The following PSMC3 variants were observed in gnomAD, a reference collection of about 807,000 sequenced individuals.
PSMC3 encodes the protein proteasome 26S subunit, ATPase 3, also known as 26S proteasome regulatory subunit 6A.
In PSMC3, 11 loss-of-function variants were observed where a neutral mutation model predicts 52.0. The observed-to-expected ratio is 0.21, with a 90% CI of 0.13 to 0.35. The LOEUF (loss-of-function observed/expected upper bound fraction) is 0.35. PSMC3 is among the 10% of genes least tolerant of loss of function. The pLI is 1.00. For missense variants in PSMC3, 238 were observed against 567.1 expected (o/e 0.42, Z 5.89); for synonymous variants, 201 against 218.8 (o/e 0.92, Z 0.72).
intron 8 of PSMC3, 100 bp from the exon 9 acceptor site, chr11:47,420,827 G>C (rs1384811821): frequency 3.8e-6 from 4 of 1,065,498 alleles, no homozygotes; most frequent in African/African-American, 3.2e-5. Context: ...GTCCAGGGCA[G>C]GGAAATGGCT....
chr11:47,423,171 G>A (rs1045473698), intron 6 of PSMC3, among the ~76,000 whole-genome samples, 198 bp from the exon 7 acceptor site: 5 of 150,922 alleles, frequency 3.3e-5, no homozygotes, highest in Admixed American at 1.3e-4. Flanking sequence ...AGGCTGAGGC[G>A]GGCGGATCAC....
chr11:47,425,892 G>A lies in PSMC3; in HGVS notation c.134C>T (p.Thr45Ile). The A allele has an allele frequency of 1.2e-6, 2 of 1,614,122 alleles. No homozygotes were observed. Among genetic ancestry groups the A allele is most frequent in the Non-Finnish European group, 1.7e-6 (2 of 1,179,936 alleles). ...CTTGATCTCACTGTCCAGCAGCCGTGTGCGCTGGATGATCTCCTCCGTGGA... is the reference window on the plus strand; with the variant it reads ...CTTGATCTCACTGTCCAGCAGCCGTATGCGCTGGATGATCTCCTCCGTGGA... ...KMSTEEIIQR[T>I]RLLDSEIKIM... Residue 45 changes from threonine to isoleucine, a missense_variant, in exon 2 of 12, where the codon ACA becomes ATA. By Grantham distance (89) the Thr-to-Ile change is moderately conservative. Transcript: ENST00000298852.
intron 10 of PSMC3, among the ~76,000 whole-genome samples, chr11:47,420,000 T>C (rs184090244): frequency 2.0e-5 from 3 of 152,136 alleles, no homozygotes; most frequent in Admixed American, 2.0e-4. Flanking sequence ...GCCAGGAAAC[T>C]AAGTGCCTCC....
intron 8 of PSMC3, among the ~76,000 whole-genome samples, chr11:47,421,932 G>A (rs1339407645): frequency 2.0e-5 from 3 of 152,116 alleles, no homozygotes; most frequent in African/African-American, 4.8e-5. Context: ...GAATACAGGA[G>A]TGAGCCACTG....
chr11:47,424,205 T>A lies in PSMC3; in HGVS notation c.454-22A>T. 1.2e-6 allele frequency: 2 copies of A among 1,614,162 alleles called. No homozygotes were observed. Among genetic ancestry groups the A allele is most frequent in the South Asian group, 2.2e-5 (2 of 91,080 alleles). On this transcript the variant is annotated intron_variant, in intron 5 of 11. Coordinates refer to ENST00000298852, the MANE Select transcript of PSMC3 (RefSeq NM_002804.5). This position sits in a 1 kb window ranked among gnomAD's most constrained non-coding sequence, Gnocchi z 4.8. Reference sequence around the variant, plus strand: ...CACCCTAAGGACACAGCACAGGGCCTTCAGATTTGGCCCAGCTCAAGGGCT... The same window carrying A: ...CACCCTAAGGACACAGCACAGGGCCATCAGATTTGGCCCAGCTCAAGGGCT...
chr11:47,425,552 C>A, intron 2 of PSMC3: 1 of 541,582 alleles, frequency 1.8e-6, no homozygotes, highest in Non-Finnish European at 3.3e-6. Context: ...CAGTACAAAC[C>A]TCTCTGGGCC....
At chr11:47,419,546 C>G (rs1008754210) in intron 10 of PSMC3, among the ~76,000 whole-genome samples, 4 of 152,146 alleles carry the variant, frequency 2.6e-5, no homozygotes, top group Non-Finnish European at 4.4e-5. Flanking sequence ...GTGCTATCAT[C>G]CCCAAGTCCC....
At chr11:47,421,519 G>A (rs1022997798) in intron 8 of PSMC3, among the ~76,000 whole-genome samples, 4 of 152,224 alleles carry the variant, frequency 2.6e-5, no homozygotes, top group Non-Finnish European at 5.9e-5. Context: ...AGGAAGCACC[G>A]TGGCAGGAGT....
intron 1 of PSMC3, 115 bp downstream of exon 1, chr11:47,426,090 A>T (rs1478064052): frequency 8.4e-6 from 12 of 1,422,076 alleles, no homozygotes; most frequent in East Asian, 2.5e-5. Context: ...CATCCCAAAC[A>T]ACCCCGTCCC....
At position 47,426,216 on chromosome 11, in the gene PSMC3, C is replaced by A; in HGVS notation, c.64G>T (p.Asp22Tyr). The change falls in exon 1 of 12, where the codon GAT becomes TAT. Residue 22 changes from aspartate to tyrosine, a missense_variant. Asp to Tyr is a radical substitution (Grantham distance 160, BLOSUM62 -3). Coordinates refer to ENST00000298852, the MANE Select transcript of PSMC3 (RefSeq NM_002804.5). ...TRQEKMATVW[D>Y]EAEQDGIGEE... ...CGCCCGGTGCCCACCTCGGCCTCATCCCACACGGTCGCCATCTTCTCCTGC... is the reference window on the plus strand; with the variant it reads ...CGCCCGGTGCCCACCTCGGCCTCATACCACACGGTCGCCATCTTCTCCTGC... The A allele has an allele frequency of 1.3e-6, 2 of 1,559,928 alleles. No individual in the cohort carries two copies. The highest frequency in any genetic ancestry group is 2.4e-5 in the East Asian group (1 of 41,676).
Position 47,424,972 on chromosome 11 carries a change from C to G in PSMC3, c.285+149G>C. The G allele has an allele frequency of 8.2e-7, 1 of 1,222,464 alleles. No homozygotes were observed. Among genetic ancestry groups the G allele is most frequent in the Non-Finnish European group, 1.1e-6 (1 of 870,076 alleles). 75.7% of individuals were successfully genotyped at this position (1,222,464 alleles called of 1,614,324 possible). ...AGACCTCCCAGGACTTTGCAGGCCC[C>G]GTCTTCCCCATGAAAGTGCCCCAGG... is the stretch of plus-strand genomic sequence containing the variant. On this transcript the variant is annotated intron_variant, in intron 3 of 11. Transcript: ENST00000298852. The surrounding 1 kb of genome is among the most constrained non-coding windows in gnomAD (Gnocchi z 4.8).
chr11:47,420,807 A>G (rs1442073892), intron 8 of PSMC3, 80 bp from the exon 9 acceptor site: 6 of 1,304,348 alleles, frequency 4.6e-6, no homozygotes, highest in Admixed American at 2.0e-5. Flanking sequence ...CTGGAAGCCT[A>G]ACCTAACCCG....
chr11:47,420,616 A>C lies in PSMC3; in HGVS notation c.981+15T>G, dbSNP rs750354970. 4.3e-5 allele frequency: 66 copies of C among 1,549,656 alleles called. 1 individual carries two copies. In the South Asian group the frequency reaches 5.4e-4, roughly 13 times the overall value. On this transcript the variant is annotated intron_variant, in intron 9 of 11. Transcript: ENST00000298852. ...CTGAGCCTCATCATCTTTGCCTGGGAGTGCTAATACTCACCTTAACTTGGG... is the reference window on the plus strand; with the variant it reads ...CTGAGCCTCATCATCTTTGCCTGGGCGTGCTAATACTCACCTTAACTTGGG...
rs1481188440 is a variant in PSMC3 at position 47,425,516 on chromosome 11, C to T, written c.160-270G>A. 7 of 565,804 alleles carry T rather than the reference C, an allele frequency of 1.2e-5. No homozygotes were observed. In the East Asian group the frequency reaches 1.4e-4, roughly 12 times the overall value. 35.0% of individuals were successfully genotyped at this position (565,804 alleles called of 1,614,324 possible). On this transcript the variant is annotated intron_variant, in intron 2 of 11. Transcript: ENST00000298852. ...CAAACATAGGTTTTAGGTTCTGCCT[C>T]ATAGTAAGAACTGGGTGCTTTATCG... is the stretch of plus-strand genomic sequence containing the variant.
At chr11:47,425,782 C>T in intron 2 of PSMC3, 85 bp downstream of exon 2, 1 of 1,242,358 alleles carries the variant, frequency 8.0e-7, no homozygotes, top group Non-Finnish European at 1.1e-6. Context: ...CCAGGGTGCC[C>T]GATTAGGAAG....
Position 47,424,193 on chromosome 11 carries a change from C to T in PSMC3, c.454-10G>A, listed in dbSNP as rs1202682488. On this transcript the variant is annotated splice_polypyrimidine_tract_variant and intron_variant, in intron 5 of 11. Coordinates refer to ENST00000298852, the MANE Select transcript of PSMC3 (RefSeq NM_002804.5). The surrounding 1 kb of genome is among the most constrained non-coding windows in gnomAD (Gnocchi z 4.8). ...AGTCTTTGTTCACACCCTAAGGACA[C>T]AGCACAGGGCCTTCAGATTTGGCCC... 2 of 1,614,240 alleles carry T rather than the reference C, an allele frequency of 1.2e-6. No individual in the cohort carries two copies. The highest frequency in any genetic ancestry group is 1.7e-5 in the Admixed American group (1 of 60,028).
Position 47,425,529 on chromosome 11 carries a change from G to A in PSMC3, c.160-283C>T, listed in dbSNP as rs550708945. The A allele has an allele frequency of 1.6e-4, 92 of 560,222 alleles. 1 individual carries two copies. The highest frequency in any genetic ancestry group is 1.6e-3 in the African/African-American group (86 of 53,474). 34.7% of individuals were successfully genotyped at this position (560,222 alleles called of 1,614,324 possible). A position where few individuals can be genotyped will look rare whatever the true frequency, so the allele number is the denominator to read the frequency against. On this transcript the variant is annotated intron_variant, in intron 2 of 11. Transcript: ENST00000298852. ...TAGGTTCTGCCTCATAGTAAGAACT[G>A]GGTGCTTTATCGCAGTACAAACCTC...
Position 47,419,219 on chromosome 11 carries a change from C to G in PSMC3, c.1128-22G>C, listed in dbSNP as rs775803108. On this transcript the variant is annotated intron_variant, in intron 10 of 11. Coordinates refer to ENST00000298852, the MANE Select transcript of PSMC3 (RefSeq NM_002804.5). ...AGGACTGGGGACAGGACAGATACCA[C>G]AGGCTCAGTGGCTTATGCGGAATGG... The G allele has an allele frequency of 1.4e-5, 22 of 1,613,274 alleles. No homozygotes were observed. In the South Asian group the frequency reaches 2.4e-4, roughly 18 times the overall value.
Position 47,422,103 on chromosome 11 carries a change from C to A in PSMC3, c.884+471G>T, listed in dbSNP as rs141325867. On this transcript the variant is annotated intron_variant, in intron 8 of 11. Coordinates refer to ENST00000298852, the MANE Select transcript of PSMC3 (RefSeq NM_002804.5). This position sits in a 1 kb window ranked among gnomAD's most constrained non-coding sequence, Gnocchi z 4.3. ...CTTTCACCAGGCTGGAGTGCAGTGG[C>A]GCAATCTTGGCTCACTCCAATCTCT... is the stretch of plus-strand genomic sequence containing the variant. 6.6e-6 allele frequency among the ~76,000 whole-genome samples: 1 copy of A among 150,802 alleles called. No homozygotes were observed. The highest frequency in any genetic ancestry group is 1.5e-5 in the Non-Finnish European group (1 of 67,822).
Sources: gnomAD v4.1 joint callset for allele counts (sites outside exome capture counted in the v4.1 genomes callset) on GRCh38, gnomAD v4.1.1 for gene constraint, Gnocchi (gnomAD v3.1) non-coding constraint, MANE v1.5 for transcripts, NCBI Gene and HGNC (gene_info 2026-07-23, HGNC 2026-07-21) for gene names.